The following GRM8 variants were observed in gnomAD, a reference collection of about 807,000 sequenced individuals.
GRM8 encodes glutamate metabotropic receptor 8.
A neutral mutation model predicts 87.2 loss-of-function variants in GRM8; 47 were observed. The ratio of observed to expected loss-of-function variants is 0.54; its 90% CI spans 0.43 to 0.69. The LOEUF (loss-of-function observed/expected upper bound fraction) is 0.69, where lower values mean the gene tolerates loss of function less well. Among genes scored for constraint, GRM8 ranks in the 30% least tolerant of loss-of-function variants. GRM8 has a pLI of 0.00. For missense variants in GRM8, 1,019 were observed against 1,139.2 expected (o/e 0.89, Z 1.52); for synonymous variants, 396 against 404.5 (o/e 0.98, Z 0.25).
intron 3 of GRM8, among the ~76,000 whole-genome samples, chr7:126,989,744 C>CCAG (rs1360054881): frequency 2.0e-5 from 3 of 152,154 alleles, no homozygotes; most frequent in Admixed American, 6.5e-5. Flanking sequence ...ATGTTTGAGA[C>CCAG]CAGCCTGGGC....
intron 10 of GRM8, chr7:126,445,217 G>T (rs1456611100): frequency 1.3e-5 from 2 of 152,040 alleles, no homozygotes; most frequent in Non-Finnish European, 2.9e-5. Flanking sequence ...AAGACTGGAA[G>T]CCACTCTAAT....
intron 3 of GRM8, chr7:127,058,058 A>G: frequency 2.3e-6 from 1 of 429,768 alleles, no homozygotes. Context: ...TCAGTTTAAA[A>G]ACCCTTCTGG....
intron 9 of GRM8, among the ~76,000 whole-genome samples, chr7:126,463,233 A>C (rs1303457569): frequency 2.0e-5 from 3 of 151,618 alleles, no homozygotes; most frequent in Non-Finnish European, 4.4e-5. Context: ...CCATGGAAGA[A>C]AATTGCCATT....
chr7:126,488,777 T>C (rs1302459179), intron 9 of GRM8, among the ~76,000 whole-genome samples: 1 of 152,000 alleles, frequency 6.6e-6, no homozygotes, highest in African/African-American at 2.4e-5. Context: ...GATTTTTAGT[T>C]CTTCTGACTT....
At chr7:126,788,683 T>C (rs1394850832) in intron 6 of GRM8, among the ~76,000 whole-genome samples, 1 of 151,540 alleles carries the variant, frequency 6.6e-6, no homozygotes, top group South Asian at 2.1e-4. Context: ...TAGTTGAACA[T>C]ACAATTAGCA....
intron 4 of GRM8, 25 bp downstream of exon 4, chr7:126,904,523 C>T: frequency 3.1e-6 from 5 of 1,607,388 alleles, no homozygotes; most frequent in Non-Finnish European, 4.3e-6. Context: ...TCTGACCCTA[C>T]ATACAGAAGA....
intron 3 of GRM8, among the ~76,000 whole-genome samples, chr7:126,986,716 A>G (rs1287778687): frequency 6.6e-6 from 1 of 152,200 alleles, no homozygotes; most frequent in Non-Finnish European, 1.5e-5. Context: ...CCATTTCCCA[A>G]CACCATTTAA....
At chr7:126,783,957 A>C (rs1820364141) in intron 6 of GRM8, among the ~76,000 whole-genome samples, 1 of 152,200 alleles carries the variant, frequency 6.6e-6, no homozygotes, top group Non-Finnish European at 1.5e-5. Context: ...CAGATCAAAA[A>C]CTGTGGCTTT....
intron 2 of GRM8, among the ~76,000 whole-genome samples, chr7:127,181,739 G>A (rs1442481721): frequency 2.6e-5 from 4 of 151,818 alleles, no homozygotes; most frequent in Non-Finnish European, 4.4e-5. Context: ...AAAACATCAA[G>A]TGGGAAAGGA....
intron 10 of GRM8, among the ~76,000 whole-genome samples, chr7:126,442,059 A>G (rs1442201918): frequency 1.3e-5 from 2 of 152,032 alleles, no homozygotes; most frequent in African/African-American, 2.4e-5. Context: ...TCACTGGTTC[A>G]AAACCTACAA....
At chr7:126,804,382 T>C (rs1417481415) in intron 6 of GRM8, among the ~76,000 whole-genome samples, 1 of 152,220 alleles carries the variant, frequency 6.6e-6, no homozygotes, top group Non-Finnish European at 1.5e-5. Context: ...TCCAACTCTA[T>C]CCCGCTTCAT....
intron 2 of GRM8, among the ~76,000 whole-genome samples, chr7:127,156,353 T>C (rs1307450827): frequency 6.6e-6 from 1 of 152,166 alleles, no homozygotes; most frequent in Non-Finnish European, 1.5e-5. Context: ...AGCCTACCCC[T>C]AAACGGTTCC....
chr7:126,851,532 C>T (rs1031170902), intron 6 of GRM8, among the ~76,000 whole-genome samples: 1 of 152,158 alleles, frequency 6.6e-6, no homozygotes. Context: ...CTCCTGTTAT[C>T]CCCATCCTAA....
chr7:127,012,386 G>T (rs1814983708), intron 3 of GRM8, among the ~76,000 whole-genome samples: 1 of 152,012 alleles, frequency 6.6e-6, no homozygotes, highest in Non-Finnish European at 1.5e-5. Flanking sequence ...CTCAGAGCAG[G>T]GATGCACACT....
intron 3 of GRM8, among the ~76,000 whole-genome samples, chr7:127,035,249 C>A (rs912971652): frequency 6.6e-6 from 1 of 152,192 alleles, no homozygotes; most frequent in African/African-American, 2.4e-5. Flanking sequence ...ACCATAGAAT[C>A]ATTTCAAAGG....
intron 2 of GRM8, chr7:127,110,999 C>T (rs1826292817): frequency 6.6e-6 from 1 of 152,216 alleles, no homozygotes; most frequent in African/African-American, 2.4e-5. Flanking sequence ...ATTCCACTGG[C>T]AACCAGACAT....
intron 2 of GRM8, among the ~76,000 whole-genome samples, chr7:127,125,974 C>A (rs17867032): frequency 6.6e-6 from 1 of 151,686 alleles, no homozygotes; most frequent in Non-Finnish European, 1.5e-5. Context: ...AGTCAAAAAA[C>A]AACAGATGTT....
At chr7:126,552,908 T>A (rs1792743030) in intron 8 of GRM8, among the ~76,000 whole-genome samples, 1 of 152,140 alleles carries the variant, frequency 6.6e-6, no homozygotes, top group Non-Finnish European at 1.5e-5. Flanking sequence ...TATAACTTAC[T>A]AAATGTATTT....
chr7:126,589,805 C>T (rs1284007630), intron 8 of GRM8, among the ~76,000 whole-genome samples: 4 of 152,166 alleles, frequency 2.6e-5, no homozygotes, highest in African/African-American at 4.8e-5. Flanking sequence ...CATCACAGAA[C>T]TCTGTGCAGA....
Sources: allele counts gnomAD v4.1 joint callset (sites outside exome capture counted in the v4.1 genomes callset), GRCh38; gene constraint gnomAD v4.1.1; transcripts MANE v1.5; gene names NCBI Gene and HGNC (gene_info 2026-07-23, HGNC 2026-07-21).